Variants in RAB11FIP4 observed in about 807,000 individuals in gnomAD.
RAB11FIP4 encodes rab11 family-interacting protein 4.
A neutral mutation model predicts 74.3 loss-of-function variants in RAB11FIP4; 23 were observed. The ratio of observed to expected loss-of-function variants is 0.31; its 90% confidence interval spans 0.22 to 0.44. The LOEUF is 0.44. Ranked by LOEUF, RAB11FIP4 falls within the 20% of genes least tolerant of loss-of-function variation. The pLI is 1.00. For synonymous variants in RAB11FIP4, 360 were observed against 359.9 expected, an observed-to-expected ratio of 1.00 and a Z score of 0.00; for missense variants, 630 against 863.9, an observed-to-expected ratio of 0.73 and a Z score of 3.39.
In RAB11FIP4 at chr17:31,431,884, G is replaced by T. The variant is rs1039264486; in HGVS notation, c.231G>T (p.Gly77=). Residue 77 remains glycine (G), a synonymous_variant, in exon 2 of 15, where the codon GGG becomes GGT. Transcript: ENST00000621161. The part of the protein sequence containing the change: ...GRINFKDFCR[G]VFAMKGCEEL... ...TCAACTTCAAGGACTTTTGCCGGGG[G>T]GTGTTCGCCATGAAAGGTGAGGTCT... The T allele has an allele frequency of 1.9e-6, 3 of 1,612,736 alleles. No homozygotes were observed. The African/African-American group carries it at 4.0e-5, about 22-fold the overall frequency.
chr17:31,413,971 G>A (rs1161350375), intron 1 of RAB11FIP4, among the ~76,000 whole-genome samples: 5 of 152,328 alleles, frequency 3.3e-5, no homozygotes, highest in East Asian at 3.9e-4. Flanking sequence ...ACGGGTGTCC[G>A]CAGCTTCCTG....
intron 3 of RAB11FIP4, among the ~76,000 whole-genome samples, chr17:31,481,340 T>G (rs775842264): frequency 8.5e-5 from 13 of 152,090 alleles, no homozygotes; most frequent in Non-Finnish European, 1.5e-4. Context: ...GTTTTTTAAG[T>G]TCTTCAAGTG....
At chr17:31,445,532 T>TATATA (rs2071443858) in intron 3 of RAB11FIP4, among the ~76,000 whole-genome samples, 2 of 36,592 alleles carry the variant, frequency 5.5e-5, no homozygotes, top group African/African-American at 3.4e-4. Flanking sequence ...TTTCCCAATT[T>TATATA]TATATATATA....
chr17:31,523,383 T>A, intron 7 of RAB11FIP4, 129 bp from the exon 8 acceptor site: 1 of 748,706 alleles, frequency 1.3e-6, no homozygotes, highest in African/African-American at 1.7e-5. Flanking sequence ...CCTCTCAGGC[T>A]GAGTGAGGGC....
intron 1 of RAB11FIP4, among the ~76,000 whole-genome samples, chr17:31,423,852 G>T (rs1053136890): frequency 6.6e-6 from 1 of 151,820 alleles, no homozygotes. Context: ...GCTTCCAGGG[G>T]CCCCTTTTTC....
chr17:31,516,588 G>A (rs1166111286), intron 3 of RAB11FIP4, among the ~76,000 whole-genome samples: 1 of 152,232 alleles, frequency 6.6e-6, no homozygotes, highest in East Asian at 1.9e-4. Context: ...TCCTGCCTCA[G>A]CCTCCCGAGT....
intron 3 of RAB11FIP4, among the ~76,000 whole-genome samples, chr17:31,436,290 C>T (rs1252116257): frequency 1.3e-5 from 2 of 152,200 alleles, no homozygotes; most frequent in Non-Finnish European, 2.9e-5. Context: ...GTGCTAATTC[C>T]TCGCCGCCTG....
intron 1 of RAB11FIP4, among the ~76,000 whole-genome samples, chr17:31,395,849 A>G (rs731757): frequency 6.6e-6 from 1 of 152,192 alleles, no homozygotes; most frequent in South Asian, 2.1e-4. Flanking sequence ...AGTCCCTGAT[A>G]GTTCCCTACT....
rs578164718 is a variant in RAB11FIP4 at position 31,462,036 on chromosome 17, T to C, written c.336+27914T>C. Among the ~76,000 whole-genome samples, 4 of 152,006 alleles carry C rather than the reference T, an allele frequency of 2.6e-5. No individual in the cohort carries two copies. The South Asian group carries it at 8.3e-4, about 32-fold the overall frequency. ...CAACACTTTGGGAGGCCAAGATGGG[T>C]GGATCACCTGAGGTCAGGAGTTCGA... is the stretch of plus-strand genomic sequence containing the variant. On this transcript the variant is annotated intron_variant, in intron 3 of 14. Coordinates refer to ENST00000621161, the MANE Select transcript of RAB11FIP4 (RefSeq NM_032932.6).
intron 3 of RAB11FIP4, among the ~76,000 whole-genome samples, chr17:31,508,291 G>A (rs1396208813): frequency 3.9e-5 from 6 of 152,124 alleles, no homozygotes; most frequent in Non-Finnish European, 7.4e-5. Context: ...GCATCCTAAT[G>A]GGCTTGAAAA....
At chr17:31,405,439 G>C (rs938765655) in intron 1 of RAB11FIP4, among the ~76,000 whole-genome samples, 1 of 151,746 alleles carries the variant, frequency 6.6e-6, no homozygotes, top group Admixed American at 6.6e-5. Context: ...GCGTGATCTC[G>C]GCTCACTGCA....
intron 3 of RAB11FIP4, among the ~76,000 whole-genome samples, chr17:31,459,580 T>G (rs1015999222): frequency 1.3e-5 from 2 of 152,168 alleles, no homozygotes; most frequent in Admixed American, 1.3e-4. Flanking sequence ...TTTCTGCAGC[T>G]TCCACTCCCA....
chr17:31,436,754 TTTTTTTTTTGTTTTTTTTTGTTTTTTG>T (rs1338670273), intron 3 of RAB11FIP4, among the ~76,000 whole-genome samples: 65 of 32,440 alleles, frequency 2.0e-3, no homozygotes, highest in African/African-American at 5.5e-3. Flanking sequence ...TTGTTTTTTG[TTTTTTTTTTGTTTTTTTTTGTTTTTTG>T]TTTTTTTTGT....
intron 7 of RAB11FIP4, chr17:31,523,192 G>A: frequency 5.1e-6 from 2 of 389,602 alleles, no homozygotes; most frequent in Non-Finnish European, 9.7e-6. Flanking sequence ...AGAGGAGGGG[G>A]CTCACGTGCC....
chr17:31,509,823 G>A (rs148944196), intron 3 of RAB11FIP4, among the ~76,000 whole-genome samples: 1 of 152,278 alleles, frequency 6.6e-6, no homozygotes, highest in East Asian at 1.9e-4. Context: ...GAGGCCTCAT[G>A]TCTGAGCTGA....
At chr17:31,505,417 A>AT (rs1438599644) in intron 3 of RAB11FIP4, among the ~76,000 whole-genome samples, 4 of 98,890 alleles carry the variant, frequency 4.0e-5, no homozygotes, top group Non-Finnish European at 5.5e-5. Flanking sequence ...AATAATTATT[A>AT]TATATTAATA....
rs1425707523 is a variant in RAB11FIP4 at position 31,537,995 on chromosome 17, C to T, written c.*6263C>T. ...CTTGACTTTTTTGCCCCAGGAGGCT[C>T]TGTCTGGAAACAGGCTTAGCTTTAG... is the stretch of plus-strand genomic sequence containing the variant. On this transcript the variant is annotated 3_prime_UTR_variant, in exon 15 of 15. Transcript: ENST00000621161. 6.6e-6 allele frequency: 1 copy of T among 152,512 alleles called. No individual in the cohort carries two copies. Among genetic ancestry groups the T allele is most frequent in the Non-Finnish European group, 1.5e-5 (1 of 68,240 alleles). The allele number at this position is 152,512 out of a possible 1,614,324, so 9.4% of individuals were successfully genotyped here. A position where few individuals can be genotyped will look rare whatever the true frequency, so the allele number is the denominator to read the frequency against.
intron 1 of RAB11FIP4, among the ~76,000 whole-genome samples, chr17:31,402,899 A>G (rs1001033356): frequency 7.8e-4 from 119 of 152,122 alleles, no homozygotes; most frequent in African/African-American, 2.6e-3. Context: ...TGCTGGGATT[A>G]CAGGCGTGAG....
At chr17:31,525,442 G>A (rs935592027) in intron 10 of RAB11FIP4, 14 of 586,074 alleles carry the variant, frequency 2.4e-5, no homozygotes, top group Non-Finnish European at 3.9e-5. Flanking sequence ...TCCCAGGAGC[G>A]TGGCTCACAT....
Sources: gnomAD v4.1 joint callset for allele counts (sites outside exome capture counted in the v4.1 genomes callset) on GRCh38, gnomAD v4.1.1 for gene constraint, MANE v1.5 for transcripts, NCBI Gene and HGNC (gene_info 2026-07-23, HGNC 2026-07-21) for gene names.